The following VPS13C variants were observed in gnomAD, a reference collection of about 807,000 sequenced individuals.
The protein encoded by VPS13C is vacuolar protein sorting 13 homolog C.
In VPS13C, 358 loss-of-function variants were observed where a neutral mutation model predicts 456.8. That is an observed-to-expected ratio of 0.78 (90% CI 0.72 to 0.86). The LOEUF is 0.86. Ranked by LOEUF, VPS13C falls within the 40% of genes least tolerant of loss-of-function variation. The probability of loss-of-function intolerance (pLI) is 0.00; values close to 1 mark genes in which losing one functional copy is unlikely to be tolerated. For synonymous variants in VPS13C, 1,578 were observed against 1,486.7 expected, an observed-to-expected ratio of 1.06 and a Z score of -1.41; for missense variants, 4,818 against 4,385.4, an observed-to-expected ratio of 1.10 and a Z score of -2.79.
chr15:62,057,045 C>G (rs188644272), intron 1 of VPS13C, among the ~76,000 whole-genome samples: 50 of 152,204 alleles, frequency 3.3e-4, no homozygotes, highest in Middle Eastern at 6.8e-3. Flanking sequence ...CCCCCGGGCC[C>G]AGCTGTCTTT....
intron 1 of VPS13C, among the ~76,000 whole-genome samples, chr15:62,047,883 T>C (rs192431973): frequency 2.0e-4 from 30 of 152,344 alleles, no homozygotes; most frequent in Middle Eastern, 6.8e-3. Context: ...AACCATTTTA[T>C]ATTTAACTGA....
chr15:61,991,529 C>A, intron 17 of VPS13C, 144 bp downstream of exon 17: 3 of 792,854 alleles, frequency 3.8e-6, no homozygotes, highest in Non-Finnish European at 5.4e-6. Flanking sequence ...ATATTCCAGC[C>A]TGATGTATTT....
intron 65 of VPS13C, among the ~76,000 whole-genome samples, chr15:61,907,916 A>C (rs1566989546): frequency 6.6e-6 from 1 of 152,170 alleles, no homozygotes; most frequent in Non-Finnish European, 1.5e-5. Flanking sequence ...TACTGTGACC[A>C]GCTAAGCTTT....
chr15:61,934,023 T>C (rs2044145015), intron 49 of VPS13C, among the ~76,000 whole-genome samples, 196 bp downstream of exon 49: 1 of 152,132 alleles, frequency 6.6e-6, no homozygotes, highest in Admixed American at 6.5e-5. Context: ...GTACTTTGCC[T>C]TAGCCTTGGA....
At chr15:61,870,714 C>T (rs1317835320) in intron 79 of VPS13C, among the ~76,000 whole-genome samples, 1 of 152,156 alleles carries the variant, frequency 6.6e-6, no homozygotes, top group Non-Finnish European at 1.5e-5. Context: ...AGACTATTTT[C>T]TTCCAAAATG....
In VPS13C at chr15:62,045,241, G is replaced by C. The variant is rs138701695; in HGVS notation, c.101-986C>G. Among the ~76,000 whole-genome samples the C allele has an allele frequency of 1.7e-4, 26 of 151,866 alleles. No homozygotes were observed. In the East Asian group the frequency reaches 3.9e-3, roughly 23 times the overall value. On this transcript the variant is annotated intron_variant, in intron 1 of 84. Transcript: ENST00000644861. ...TTAAGGCACTCACGGCTTAGCAGAG[G>C]GGACTGTGCAAAAGTAACTGCAGTT...
chr15:62,004,307 T>C (rs1324304142), intron 15 of VPS13C, among the ~76,000 whole-genome samples: 3 of 152,026 alleles, frequency 2.0e-5, no homozygotes, highest in Admixed American at 1.3e-4. Context: ...TTTATTTGCA[T>C]AGAGGTGTTT....
At chr15:62,034,564 C>A (rs1365836441) in intron 4 of VPS13C, among the ~76,000 whole-genome samples, 1 of 151,196 alleles carries the variant, frequency 6.6e-6, no homozygotes, top group Non-Finnish European at 1.5e-5. Context: ...TCAGAAGCAA[C>A]AAAATAGGAA....
rs371387297 is a variant in VPS13C, at chr15:61,917,572, A to G, written c.7824T>C (p.Tyr2608=). Residue 2608 remains tyrosine, a synonymous_variant, in exon 60 of 85, where the codon TAT becomes TAC. Transcript: ENST00000644861. ...LEHQYKESTT[Y]ISWKEELHRS... is the part of the protein sequence containing the mutation. ...TATGAAGTTCTTCCTTCCAGGAAAT[A>G]TAAGTGGTAGATTCTTTGTACTGAT... The G allele has an allele frequency of 3.8e-5, 61 of 1,614,004 alleles. No homozygotes were observed. Among genetic ancestry groups the G allele is most frequent in the Non-Finnish European group, 4.2e-5 (50 of 1,179,888 alleles).
chr15:61,990,860 C>A, intron 18 of VPS13C, 140 bp downstream of exon 18: 2 of 615,696 alleles, frequency 3.2e-6, no homozygotes, highest in East Asian at 3.2e-5. Context: ...TTGGTAAAAC[C>A]TGACTGAAAC....
chr15:62,046,192 G>C (rs1324880631), intron 1 of VPS13C, among the ~76,000 whole-genome samples: 2 of 152,046 alleles, frequency 1.3e-5, no homozygotes, highest in East Asian at 3.9e-4. Flanking sequence ...AAGAATACAG[G>C]CAGTCAGGAA....
intron 15 of VPS13C, among the ~76,000 whole-genome samples, chr15:62,006,076 T>A (rs1398102868): frequency 6.9e-6 from 1 of 145,124 alleles, no homozygotes; most frequent in Admixed American, 7.3e-5. Context: ...TTTTTTGTTT[T>A]TGTTTTTTTT....
intron 66 of VPS13C, among the ~76,000 whole-genome samples, chr15:61,900,986 C>G (rs1008871260): frequency 6.6e-6 from 1 of 152,046 alleles, no homozygotes; most frequent in Non-Finnish European, 1.5e-5. Context: ...CTTTGACAAA[C>G]CTGACAAAAA....
intron 16 of VPS13C, among the ~76,000 whole-genome samples, chr15:61,993,373 G>C (rs1371846833): frequency 1.3e-5 from 2 of 151,602 alleles, no homozygotes; most frequent in South Asian, 4.2e-4. Flanking sequence ...ACACTTTGGG[G>C]TAAAGAAGCC....
At chr15:62,005,244 C>T (rs1211069395) in intron 15 of VPS13C, among the ~76,000 whole-genome samples, 3 of 152,318 alleles carry the variant, frequency 2.0e-5, no homozygotes, top group South Asian at 2.1e-4. Flanking sequence ...GTTAGCTCTT[C>T]TTGTTGAATT....
intron 6 of VPS13C, among the ~76,000 whole-genome samples, chr15:62,027,011 T>G (rs1382620755): frequency 6.6e-6 from 1 of 152,044 alleles, no homozygotes; most frequent in Admixed American, 6.5e-5. Context: ...AAATAATGCT[T>G]AGTATTATTA....
intron 53 of VPS13C, among the ~76,000 whole-genome samples, chr15:61,925,047 T>C (rs190743045): frequency 9.8e-5 from 15 of 152,300 alleles, no homozygotes; most frequent in East Asian, 5.8e-4. Flanking sequence ...CCAAATCATA[T>C]AGTTATTAAA....
intron 1 of VPS13C, among the ~76,000 whole-genome samples, chr15:62,052,195 A>C (rs2048643922): frequency 6.6e-6 from 1 of 152,238 alleles, no homozygotes; most frequent in East Asian, 1.9e-4. Context: ...ATAGTGAAAT[A>C]AAGAATGCTT....
At chr15:62,058,250 G>T (rs1238542056) in intron 1 of VPS13C, among the ~76,000 whole-genome samples, 1 of 152,126 alleles carries the variant, frequency 6.6e-6, no homozygotes, top group African/African-American at 2.4e-5. Flanking sequence ...AAACTATAAG[G>T]AATCACTGGA....
Sources: allele counts gnomAD v4.1 joint callset (sites outside exome capture counted in the v4.1 genomes callset), GRCh38; gene constraint gnomAD v4.1.1; transcripts MANE v1.5; gene names NCBI Gene and HGNC (gene_info 2026-07-23, HGNC 2026-07-21).